Variants in GABRG3 observed in about 807,000 individuals in gnomAD.
The protein encoded by GABRG3 is gamma-aminobutyric acid type A receptor subunit gamma3.
In GABRG3, 25 loss-of-function variants were observed where a neutral mutation model predicts 48.8. The ratio of observed to expected loss-of-function variants is 0.51; its 90% CI spans 0.37 to 0.72. The LOEUF (loss-of-function observed/expected upper bound fraction) is 0.72, where lower values mean the gene tolerates loss of function less well. GABRG3 is among the 30% of genes least tolerant of loss of function. The pLI, the probability that GABRG3 is intolerant of heterozygous loss-of-function variation, is 0.00. For synonymous variants in GABRG3, 227 were observed against 217.6 expected (o/e 1.04, Z -0.38); for missense variants, 394 against 577.9 (o/e 0.68, Z 3.26).
At chr15:27,205,871 CAG>C (rs1285920182) in intron 3 of GABRG3, among the ~76,000 whole-genome samples, 1 of 151,932 alleles carries the variant, frequency 6.6e-6, no homozygotes, top group Non-Finnish European at 1.5e-5. Flanking sequence ...GTGTTCATAA[CAG>C]ACTCTTAGGG....
At chr15:27,280,793 A>G (rs979096986) in intron 3 of GABRG3, among the ~76,000 whole-genome samples, 1 of 152,188 alleles carries the variant, frequency 6.6e-6, no homozygotes, top group Non-Finnish European at 1.5e-5. Context: ...AGAAAATAAT[A>G]TCTTTTGTTG....
chr15:27,506,776 A>G (rs1457455710), intron 6 of GABRG3, among the ~76,000 whole-genome samples: 2 of 151,922 alleles, frequency 1.3e-5, no homozygotes, highest in Non-Finnish European at 2.9e-5. Flanking sequence ...TACTTTTTGA[A>G]AAAGCAACTT....
chr15:27,124,585 C>G (rs1215117401), intron 3 of GABRG3, among the ~76,000 whole-genome samples: 1 of 152,226 alleles, frequency 6.6e-6, no homozygotes, highest in African/African-American at 2.4e-5. Context: ...GTCCTGTTAT[C>G]ATTGATTAAT....
chr15:27,510,369 T>C (rs1890867826), intron 6 of GABRG3, among the ~76,000 whole-genome samples: 1 of 152,208 alleles, frequency 6.6e-6, no homozygotes, highest in Non-Finnish European at 1.5e-5. Flanking sequence ...GGGGTAGTGC[T>C]TGCTTGCTTT....
In GABRG3 at chr15:27,180,442, C is replaced by G. The variant is rs1326639117; in HGVS notation, c.271-146367C>G. Among the ~76,000 whole-genome samples the G allele has an allele frequency of 6.6e-6, 1 of 152,086 alleles. No homozygotes were observed. Among genetic ancestry groups the G allele is most frequent in the Non-Finnish European group, 1.5e-5 (1 of 68,018 alleles). The stretch of plus-strand genomic sequence containing the variant: ...GTCACGTTGTGCATCCATTGTCACA[C>G]TCGGGACTCTCTGCCTACCCTATGC... On this transcript the variant is annotated intron_variant, in intron 3 of 9. Coordinates refer to ENST00000615808, the MANE Select transcript of GABRG3 (RefSeq NM_033223.5). The surrounding 1 kb of genome is among the most constrained non-coding windows in gnomAD (Gnocchi z 4.2).
intron 5 of GABRG3, among the ~76,000 whole-genome samples, chr15:27,329,396 C>T (rs1893729210): frequency 6.6e-6 from 1 of 152,256 alleles, no homozygotes; most frequent in South Asian, 2.1e-4. Context: ...TCCTAAGTAG[C>T]TGGGACTATG....
At chr15:27,287,423 C>G (rs1891649214) in intron 3 of GABRG3, among the ~76,000 whole-genome samples, 1 of 152,076 alleles carries the variant, frequency 6.6e-6, no homozygotes, top group South Asian at 2.1e-4. Flanking sequence ...TATTAGATTG[C>G]AAATCCTAAA....
intron 3 of GABRG3, among the ~76,000 whole-genome samples, chr15:27,201,204 A>G (rs1213192889): frequency 1.3e-5 from 2 of 151,996 alleles, no homozygotes; most frequent in African/African-American, 4.8e-5. Context: ...CTCAGAATAC[A>G]CAGCTGCAGG....
intron 6 of GABRG3, among the ~76,000 whole-genome samples, chr15:27,494,928 T>C (rs1281624428): frequency 2.0e-5 from 3 of 152,186 alleles, no homozygotes; most frequent in African/African-American, 4.8e-5. Flanking sequence ...GTTTAGATTA[T>C]TGATTTCAGA....
At chr15:27,453,713 T>G (rs1263773738) in intron 5 of GABRG3, among the ~76,000 whole-genome samples, 2 of 152,186 alleles carry the variant, frequency 1.3e-5, no homozygotes, top group Non-Finnish European at 2.9e-5. Context: ...GCAATTCTCC[T>G]GCTTCAGCCT....
chr15:27,029,412 G>C (rs1896041150), intron 3 of GABRG3, among the ~76,000 whole-genome samples: 1 of 151,668 alleles, frequency 6.6e-6, no homozygotes, highest in South Asian at 2.1e-4. Context: ...AAAGCATAGA[G>C]GGCAGGCAAG....
intron 3 of GABRG3, among the ~76,000 whole-genome samples, chr15:27,299,812 G>C (rs1044386685): frequency 6.6e-6 from 1 of 152,104 alleles, no homozygotes; most frequent in East Asian, 1.9e-4. Flanking sequence ...TGACAGAGAG[G>C]GGGTAACCAG....
Position 27,520,126 on chromosome 15 carries a change from T to A in GABRG3, c.865+2T>A. On this transcript the variant is annotated splice_donor_variant, in intron 7 of 9. Coordinates refer to ENST00000615808, the MANE Select transcript of GABRG3 (RefSeq NM_033223.5). LOFTEE classifies it high-confidence loss of function. Reference sequence around the variant, plus strand: ...CTACGCCAGCAAGAACAGCATTAGGTGAGTTTCAAAAAATCTCTTCCACAA... The same window carrying A: ...CTACGCCAGCAAGAACAGCATTAGGAGAGTTTCAAAAAATCTCTTCCACAA... 1 of 1,589,948 alleles carries A rather than the reference T, an allele frequency of 6.3e-7. No individual in the cohort carries two copies. The highest frequency in any genetic ancestry group is 8.5e-7 in the Non-Finnish European group (1 of 1,170,586).
intron 3 of GABRG3, among the ~76,000 whole-genome samples, chr15:27,233,504 CAGA>C (rs764463079): frequency 2.2e-4 from 33 of 152,120 alleles, no homozygotes; most frequent in Non-Finnish European, 4.0e-4. Flanking sequence ...TCCAGGTGTG[CAGA>C]AGGCCACCTT....
chr15:27,015,951 T>G (rs1895771411), intron 2 of GABRG3, among the ~76,000 whole-genome samples: 1 of 152,226 alleles, frequency 6.6e-6, no homozygotes, highest in Admixed American at 6.5e-5. Context: ...TCTTGACATG[T>G]CTTTAAGACT....
At chr15:27,278,417 G>C (rs1342784807) in intron 3 of GABRG3, among the ~76,000 whole-genome samples, 1 of 152,056 alleles carries the variant, frequency 6.6e-6, no homozygotes, top group Non-Finnish European at 1.5e-5. Flanking sequence ...GAACTGTCTT[G>C]TCACCACAAG....
intron 2 of GABRG3, among the ~76,000 whole-genome samples, chr15:26,979,245 G>A (rs906789256): frequency 7.9e-5 from 12 of 152,048 alleles, no homozygotes; most frequent in African/African-American, 2.9e-4. Flanking sequence ...TGTTTTGTAG[G>A]TTCCTTGGCA....
At chr15:27,189,537 A>G (rs1022614957) in intron 3 of GABRG3, among the ~76,000 whole-genome samples, 7 of 151,558 alleles carry the variant, frequency 4.6e-5, no homozygotes, top group African/African-American at 7.3e-5. Flanking sequence ...TTTGTCTGTT[A>G]TTGGTGTATA....
intron 5 of GABRG3, among the ~76,000 whole-genome samples, chr15:27,430,332 T>C (rs1166844649): frequency 1.3e-5 from 2 of 152,208 alleles, no homozygotes; most frequent in Non-Finnish European, 2.9e-5. Flanking sequence ...AATAAATAGT[T>C]TCTTGTATTC....
Sources: allele counts gnomAD v4.1 joint callset (sites outside exome capture counted in the v4.1 genomes callset), GRCh38; gene constraint gnomAD v4.1.1; non-coding constraint Gnocchi (gnomAD v3.1); transcripts MANE v1.5; gene names NCBI Gene and HGNC (gene_info 2026-07-23, HGNC 2026-07-21).